The following PRMT8 variants were observed in gnomAD, a reference collection of about 807,000 sequenced individuals.
PRMT8 encodes protein arginine methyltransferase 8, also known as protein arginine N-methyltransferase 8.
Under a neutral mutation model 47.1 loss-of-function variants are expected in PRMT8, and 7 were observed. The observed-to-expected ratio is 0.15, with a 90% CI of 0.08 to 0.28. The LOEUF is 0.28. PRMT8 is among the 10% of genes least tolerant of loss of function. The probability of loss-of-function intolerance (pLI) is 1.00; values close to 1 mark genes in which losing one functional copy is unlikely to be tolerated. For missense variants in PRMT8, 237 were observed against 505.4 expected (o/e 0.47, Z 5.09); for synonymous variants, 188 against 186.5 (o/e 1.01, Z -0.07).
chr12:3,577,050 C>T (rs1469400768), intron 7 of PRMT8, 64 bp downstream of exon 7: 6 of 1,363,840 alleles, frequency 4.4e-6, no homozygotes, highest in Non-Finnish European at 6.3e-6. Context: ...ACCCTGGAGT[C>T]CAGGCAATGC....
chr12:3,488,548 C>T (rs1423693777), upstream of PRMT8, among the ~76,000 whole-genome samples: 1 of 152,150 alleles, frequency 6.6e-6, no homozygotes, highest in Non-Finnish European at 1.5e-5. Flanking sequence ...AGATCTGTAC[C>T]TGTAAAAGCA....
chr12:3,466,112 T>C (rs1565414676), intron 1 of PRMT8, among the ~76,000 whole-genome samples: 1 of 152,220 alleles, frequency 6.6e-6, no homozygotes, highest in Non-Finnish European at 1.5e-5. Flanking sequence ...GACGCTGCAC[T>C]GTGCCAAGCT....
chr12:3,516,018 C>T (rs936926581), intron 1 of PRMT8, among the ~76,000 whole-genome samples: 8 of 152,208 alleles, frequency 5.3e-5, no homozygotes, highest in South Asian at 2.1e-4. Flanking sequence ...ATAAAGTATC[C>T]GCCAATAGTT....
At chr12:3,553,132 TG>T (rs1182887539) in intron 3 of PRMT8, 2 of 192,056 alleles carry the variant, frequency 1.0e-5, no homozygotes, top group Non-Finnish European at 2.1e-5. Context: ...AGAGCTAACG[TG>T]GGGGGTGGGA....
chr12:3,554,814 T>C (rs1182570609), intron 4 of PRMT8, among the ~76,000 whole-genome samples: 2 of 152,212 alleles, frequency 1.3e-5, no homozygotes, highest in African/African-American at 4.8e-5. Flanking sequence ...CTCTCTGTGC[T>C]GTGCGACCCT....
intron 1 of PRMT8, among the ~76,000 whole-genome samples, chr12:3,517,933 C>A (rs79410743): frequency 6.6e-6 from 1 of 151,978 alleles, no homozygotes; most frequent in African/African-American, 2.4e-5. Context: ...ATTGAGTGTG[C>A]GAAGCTTTAA....
intron 1 of PRMT8, among the ~76,000 whole-genome samples, chr12:3,396,591 C>T (rs1383005602): frequency 3.9e-5 from 6 of 152,206 alleles, no homozygotes; most frequent in Non-Finnish European, 8.8e-5. Context: ...CACTGTTAGT[C>T]TGATGGGCTT....
intron 7 of PRMT8, among the ~76,000 whole-genome samples, chr12:3,581,024 C>A (rs1036561763): frequency 6.6e-6 from 1 of 152,144 alleles, no homozygotes; most frequent in Non-Finnish European, 1.5e-5. Flanking sequence ...TAATGAAGGA[C>A]CCCTCCCCTT....
At position 3,453,897 on chromosome 12, in the gene PRMT8, C is replaced by T. The variant is rs1864947229; in HGVS notation, c.48+72455C>T. Among the ~76,000 whole-genome samples, 1 of 152,214 alleles carries T rather than the reference C, an allele frequency of 6.6e-6. No individual in the cohort carries two copies. Among genetic ancestry groups the T allele is most frequent in the African/African-American group, 2.4e-5 (1 of 41,452 alleles). ...GCAGCCTCGGGTGCAGCCTTGTCCT[C>T]AGCGTTCAACACGGGGTGCCTCGTG... On this transcript the variant is annotated intron_variant, in intron 1 of 9. Coordinates refer to the PRMT8 transcript ENST00000452611. The surrounding 1 kb of genome is among the most constrained non-coding windows in gnomAD (Gnocchi z 4.9).
At chr12:3,434,638 G>C (rs1037609954) in intron 1 of PRMT8, among the ~76,000 whole-genome samples, 2 of 152,144 alleles carry the variant, frequency 1.3e-5, no homozygotes, top group Admixed American at 6.5e-5. Context: ...AAATGGAGCT[G>C]ATGACAGGGC....
chr12:3,492,351 C>T lies in PRMT8; in HGVS notation c.75+651C>T, dbSNP rs1467435292. On this transcript the variant is annotated intron_variant, in intron 1 of 9. Transcript: ENST00000382622. This position sits in a 1 kb window ranked among gnomAD's most constrained non-coding sequence, Gnocchi z 7.5. ...GCCGCCTCTGGGTAGCTAAACCCGG[C>T]AGGGCACACGGGCCGCGGCCACCTT... Among the ~76,000 whole-genome samples the T allele has an allele frequency of 6.6e-6, 1 of 152,114 alleles. No individual in the cohort carries two copies. The highest frequency in any genetic ancestry group is 1.5e-5 in the Non-Finnish European group (1 of 68,002).
chr12:3,468,425 C>T (rs146310514), intron 1 of PRMT8, among the ~76,000 whole-genome samples: 8 of 152,262 alleles, frequency 5.3e-5, no homozygotes, highest in East Asian at 1.9e-4. Context: ...CTCACTTTGT[C>T]GTCACAGAGT....
intron 1 of PRMT8, among the ~76,000 whole-genome samples, chr12:3,505,156 C>T (rs10466908): frequency 5.3e-5 from 8 of 151,496 alleles, no homozygotes; most frequent in East Asian, 3.9e-4. Context: ...AGAAATCACC[C>T]GTCTTCTGCG....
upstream of PRMT8, among the ~76,000 whole-genome samples, chr12:3,488,871 T>C (rs1030058667): frequency 2.6e-5 from 4 of 152,210 alleles, no homozygotes; most frequent in African/African-American, 9.6e-5. Context: ...GTATAACAAA[T>C]CACCCCAAAC....
chr12:3,410,242 A>G (rs570673318), intron 1 of PRMT8, among the ~76,000 whole-genome samples: 16 of 152,246 alleles, frequency 1.1e-4, no homozygotes, highest in African/African-American at 3.9e-4. Flanking sequence ...CAAGTTTTCA[A>G]TTTTTATCAC....
chr12:3,430,259 C>A (rs1864659922), intron 1 of PRMT8, among the ~76,000 whole-genome samples: 2 of 152,200 alleles, frequency 1.3e-5, no homozygotes, highest in African/African-American at 2.4e-5. Flanking sequence ...ACAATGTCTG[C>A]AATCTATAGA....
At chr12:3,423,790 G>A (rs1157256956) in intron 1 of PRMT8, among the ~76,000 whole-genome samples, 2 of 152,192 alleles carry the variant, frequency 1.3e-5, no homozygotes, top group African/African-American at 4.8e-5. Flanking sequence ...CCAAGTGACT[G>A]TTTTTGTGGT....
At chr12:3,540,363 G>A (rs2137164128) in intron 1 of PRMT8, among the ~76,000 whole-genome samples, 1 of 152,312 alleles carries the variant, frequency 6.6e-6, no homozygotes, top group East Asian at 1.9e-4. Context: ...TAGCTAATAA[G>A]AGCTGAAGGT....
chr12:3,486,733 T>A (rs1375274458), upstream of PRMT8, among the ~76,000 whole-genome samples: 1 of 152,204 alleles, frequency 6.6e-6, no homozygotes, highest in Non-Finnish European at 1.5e-5. Flanking sequence ...TTCAACTTTT[T>A]AGAATAAAAC....
Sources: allele counts gnomAD v4.1 joint callset (sites outside exome capture counted in the v4.1 genomes callset), GRCh38; gene constraint gnomAD v4.1.1; non-coding constraint Gnocchi (gnomAD v3.1); transcripts MANE v1.5; gene names NCBI Gene and HGNC (gene_info 2026-07-23, HGNC 2026-07-21).